Variants in PLCH1 observed in about 807,000 individuals in gnomAD.
The protein encoded by PLCH1 is 1-phosphatidylinositol 4,5-bisphosphate phosphodiesterase eta-1.
In PLCH1, 60 loss-of-function variants were observed where a neutral mutation model predicts 126.7. The ratio of observed to expected loss-of-function variants is 0.47; its 90% CI spans 0.38 to 0.59. The LOEUF (loss-of-function observed/expected upper bound fraction) is 0.59. Among genes scored for constraint, PLCH1 ranks in the 20% least tolerant of loss-of-function variants. The pLI, the probability that PLCH1 is intolerant of heterozygous loss-of-function variation, is 0.00. For synonymous variants in PLCH1, 719 were observed against 734.9 expected (o/e 0.98, Z 0.35); for missense variants, 1,723 against 2,040.0 (o/e 0.84, Z 2.99).
intron 2 of PLCH1, among the ~76,000 whole-genome samples, chr3:155,656,656 G>T (rs1430804992): frequency 6.6e-6 from 1 of 152,206 alleles, no homozygotes; most frequent in Non-Finnish European, 1.5e-5. Flanking sequence ...TTGTGAGTAT[G>T]TGTGTGCCTG....
rs939309727 is a variant in PLCH1 at position 155,569,902 on chromosome 3, G to A, written c.772-1578C>T. Among the ~76,000 whole-genome samples, 17 of 152,268 alleles carry A rather than the reference G, an allele frequency of 1.1e-4. 1 individual carries two copies. Among genetic ancestry groups the A allele is most frequent in the African/African-American group, 4.1e-4 (17 of 41,554 alleles). Reference sequence around the variant, plus strand: ...ACTGAGATGATGGAGCTAACTGCAGGTGAGCAGAGAATATGTTACTAATTC... The same window carrying A: ...ACTGAGATGATGGAGCTAACTGCAGATGAGCAGAGAATATGTTACTAATTC... On this transcript the variant is annotated intron_variant, in intron 6 of 22. Transcript: ENST00000460012.
At chr3:155,660,092 T>C (rs779331981) in intron 2 of PLCH1, among the ~76,000 whole-genome samples, 58 of 152,218 alleles carry the variant, frequency 3.8e-4, no homozygotes, top group Non-Finnish European at 6.3e-4. Context: ...AGATGTCTTC[T>C]AGAATGGATG....
chr3:155,570,991 C>T (rs1244941275), intron 6 of PLCH1, among the ~76,000 whole-genome samples: 1 of 152,100 alleles, frequency 6.6e-6, no homozygotes, highest in Non-Finnish European at 1.5e-5. Context: ...AGAGAAAAGA[C>T]TCACTGGTCC....
At chr3:155,731,986 C>CGAA (rs1748805996) in intron 1 of PLCH1, among the ~76,000 whole-genome samples, 1 of 68,292 alleles carries the variant, frequency 1.5e-5, no homozygotes, top group African/African-American at 5.0e-5. Context: ...GACCCTGTCT[C>CGAA]AAAAAAAAAA....
At chr3:155,537,579 A>G (rs532502651) in intron 10 of PLCH1, among the ~76,000 whole-genome samples, 2 of 152,316 alleles carry the variant, frequency 1.3e-5, no homozygotes, top group African/African-American at 2.4e-5. Flanking sequence ...GGACAAAAAA[A>G]GTGGGCAGGA....
At chr3:155,494,579 A>G (rs1560067389) in intron 15 of PLCH1, 62 bp from the exon 16 acceptor site, 10 of 1,298,162 alleles carry the variant, frequency 7.7e-6, no homozygotes, top group South Asian at 1.2e-5. Context: ...CACCACGCAC[A>G]GAAGACTTTA....
At chr3:155,471,498 G>C (rs563011526) in intron 21 of PLCH1, among the ~76,000 whole-genome samples, 1,476 of 145,678 alleles carry the variant, frequency 0.01, 26 homozygotes, top group African/African-American at 0.035. Flanking sequence ...ACACCCCACT[G>C]TCAACATTAG....
intron 1 of PLCH1, among the ~76,000 whole-genome samples, chr3:155,723,191 G>T (rs1300018356): frequency 2.0e-5 from 3 of 151,598 alleles, no homozygotes; most frequent in Non-Finnish European, 4.4e-5. Context: ...CTCTAATTGA[G>T]TTTATTTAGA....
At chr3:155,530,391 T>A (rs1178771201) in intron 10 of PLCH1, among the ~76,000 whole-genome samples, 2 of 150,850 alleles carry the variant, frequency 1.3e-5, no homozygotes, top group Non-Finnish European at 3.0e-5. Flanking sequence ...AGTGGTGCGA[T>A]CTGCAAGCTC....
intron 2 of PLCH1, among the ~76,000 whole-genome samples, chr3:155,673,899 G>T (rs555715684): frequency 6.6e-6 from 1 of 152,204 alleles, no homozygotes; most frequent in Admixed American, 6.5e-5. Flanking sequence ...GAACAAATAT[G>T]ATTTCTTTTC....
intron 21 of PLCH1, among the ~76,000 whole-genome samples, chr3:155,467,254 CAA>C (rs768841188): frequency 7.0e-6 from 1 of 142,936 alleles, no homozygotes. Context: ...GTCTTCTGAC[CAA>C]AAAAAAAAAA....
intron 2 of PLCH1, among the ~76,000 whole-genome samples, chr3:155,647,689 A>C (rs145146983): frequency 6.6e-6 from 1 of 152,158 alleles, no homozygotes; most frequent in Admixed American, 6.5e-5. Context: ...ACTTAACAAG[A>C]CTTTTTCAAA....
At chr3:155,559,798 G>A (rs1244720935) in intron 8 of PLCH1, among the ~76,000 whole-genome samples, 1 of 152,156 alleles carries the variant, frequency 6.6e-6, no homozygotes, top group African/African-American at 2.4e-5. Context: ...TGGAAAACAG[G>A]AAGTAAGAAG....
chr3:155,651,202 T>G (rs947813971), intron 2 of PLCH1, among the ~76,000 whole-genome samples: 1 of 152,238 alleles, frequency 6.6e-6, no homozygotes, highest in Non-Finnish European at 1.5e-5. Flanking sequence ...TCTGAAAGTC[T>G]GCAACTTCAG....
chr3:155,500,831 T>C (rs761852741), intron 13 of PLCH1, 37 bp from the exon 14 acceptor site: 2 of 1,297,972 alleles, frequency 1.5e-6, no homozygotes, highest in Admixed American at 1.7e-5. Context: ...ACAAACTCAT[T>C]GTATCAAGTA....
At position 155,482,964 on chromosome 3, in the gene PLCH1, G is replaced by A. The variant is rs770242577; in HGVS notation, c.3062C>T (p.Ser1021Phe). The A allele has an allele frequency of 5.0e-6, 8 of 1,613,828 alleles. No individual in the cohort carries two copies. Among genetic ancestry groups the A allele is most frequent in the African/African-American group, 1.3e-5 (1 of 74,942 alleles). ...GGTATCTTTGTGGAGCAGAGCACTG[G>A]AGGAGGATGATAACTTTTTGTTGAA... The part of the protein sequence containing the change: ...LNFNKKLSSS[S>F]SALLHKDTSQ... Residue 1021 changes from serine (S) to phenylalanine (F), a missense_variant, in exon 23 of 23, where the codon TCC becomes TTC. Ser to Phe is a radical substitution (Grantham distance 155). Transcript: ENST00000460012.
intron 9 of PLCH1, among the ~76,000 whole-genome samples, chr3:155,553,102 T>C (rs1202037806): frequency 6.6e-6 from 1 of 152,158 alleles, no homozygotes; most frequent in Non-Finnish European, 1.5e-5. Context: ...GAATATTCAC[T>C]GAGGATTTTT....
intron 6 of PLCH1, among the ~76,000 whole-genome samples, chr3:155,583,071 A>G (rs1577066679): frequency 1.3e-5 from 2 of 150,264 alleles, no homozygotes; most frequent in South Asian, 4.2e-4. Context: ...ATATAAATTT[A>G]TATTTAAAAT....
chr3:155,582,432 T>C (rs1730841088), intron 6 of PLCH1, among the ~76,000 whole-genome samples: 1 of 152,192 alleles, frequency 6.6e-6, no homozygotes, highest in Non-Finnish European at 1.5e-5. Flanking sequence ...AAATGTATAC[T>C]TTAAAAATGG....
Sources: allele counts gnomAD v4.1 joint callset (sites outside exome capture counted in the v4.1 genomes callset), GRCh38; gene constraint gnomAD v4.1.1; transcripts MANE v1.5; gene names NCBI Gene and HGNC (gene_info 2026-07-23, HGNC 2026-07-21).